Variants in STARD13 observed in about 807,000 individuals in gnomAD.
The protein encoded by STARD13 is stAR-related lipid transfer protein 13.
STARD13 carries 62 observed loss-of-function variants against 106.4 expected under a neutral mutation model. That is an observed-to-expected ratio of 0.58 (90% confidence interval 0.48 to 0.72). STARD13 has a LOEUF of 0.72. Ranked by LOEUF, STARD13 falls within the 30% of genes least tolerant of loss-of-function variation. STARD13 has a pLI of 0.00. For missense variants in STARD13, 1,387 were observed against 1,424.0 expected (o/e 0.97, Z 0.42); for synonymous variants, 565 against 553.0 (o/e 1.02, Z -0.31).
At chr13:33,527,532 A>G in the STARD13 span, among the ~76,000 whole-genome samples, 2 of 152,112 alleles carry the variant, frequency 1.3e-5, no homozygotes, top group African/African-American at 4.8e-5. Flanking sequence ...TCATATAAAG[A>G]GAACTTAGGA....
chr13:33,328,022 T>A (rs1326575098), intron 1 of STARD13, among the ~76,000 whole-genome samples: 1 of 152,260 alleles, frequency 6.6e-6, no homozygotes, highest in Non-Finnish European at 1.5e-5. Flanking sequence ...TGTATATTTT[T>A]AAAGTCTGTC....
chr13:33,260,155 T>G (rs941169400), intron 1 of STARD13, among the ~76,000 whole-genome samples: 1 of 152,192 alleles, frequency 6.6e-6, no homozygotes, highest in Non-Finnish European at 1.5e-5. Flanking sequence ...CTAGGCCTGG[T>G]GGAGCCTGGG....
the STARD13 span, among the ~76,000 whole-genome samples, chr13:33,458,967 C>T: frequency 1.3e-5 from 2 of 151,818 alleles, no homozygotes; most frequent in Non-Finnish European, 2.9e-5. Flanking sequence ...ATTACAGGCA[C>T]ACACCACAAG....
At chr13:33,449,892 A>T in the STARD13 span, among the ~76,000 whole-genome samples, 1 of 152,128 alleles carries the variant, frequency 6.6e-6, no homozygotes, top group African/African-American at 2.4e-5. Context: ...GTTCTTCACT[A>T]TTGGCATATA....
chr13:33,257,373 C>G (rs1890418312), intron 1 of STARD13, among the ~76,000 whole-genome samples: 1 of 152,174 alleles, frequency 6.6e-6, no homozygotes, highest in African/African-American at 2.4e-5. Context: ...AAGGGGTCAG[C>G]AACTTTGCAA....
At chr13:33,166,956 T>A (rs1883380867) in intron 2 of STARD13, among the ~76,000 whole-genome samples, 1 of 146,420 alleles carries the variant, frequency 6.8e-6, no homozygotes, top group Non-Finnish European at 1.5e-5. Flanking sequence ...ATTGTACCAC[T>A]GCACTCCAGC....
the STARD13 span, among the ~76,000 whole-genome samples, chr13:33,618,163 A>G: frequency 6.6e-6 from 1 of 152,252 alleles, no homozygotes; most frequent in African/African-American, 2.4e-5. Flanking sequence ...CCATAAAAGT[A>G]TTAACTCTCC....
intron 1 of STARD13, among the ~76,000 whole-genome samples, chr13:33,283,030 A>G (rs1031058242): frequency 1.2e-4 from 19 of 152,308 alleles, no homozygotes; most frequent in Admixed American, 1.2e-3. Context: ...ACTCTGTCTC[A>G]AAAACAAAAA....
the STARD13 span, among the ~76,000 whole-genome samples, chr13:33,645,813 G>A: frequency 6.6e-6 from 1 of 152,108 alleles, no homozygotes; most frequent in South Asian, 2.1e-4. Context: ...AATGCCTGTG[G>A]GGGTCAACTT....
the STARD13 span, among the ~76,000 whole-genome samples, chr13:33,541,929 G>T: frequency 6.6e-6 from 1 of 152,076 alleles, no homozygotes; most frequent in East Asian, 1.9e-4. Flanking sequence ...ATTCAAAAGT[G>T]AAAAAATGAC....
chr13:33,248,574 C>G (rs1889945628), intron 1 of STARD13, among the ~76,000 whole-genome samples: 1 of 152,188 alleles, frequency 6.6e-6, no homozygotes, highest in South Asian at 2.1e-4. Context: ...GGTACAGTGA[C>G]TCCCACTCCA....
the STARD13 span, among the ~76,000 whole-genome samples, chr13:33,404,773 C>CTTTT: frequency 6.5e-5 from 8 of 122,244 alleles, no homozygotes; most frequent in Non-Finnish European, 8.7e-5. Context: ...ACCTCTGGGA[C>CTTTT]TTTTTTTTTT....
chr13:33,627,969 C>CTT, the STARD13 span, among the ~76,000 whole-genome samples: 10 of 143,386 alleles, frequency 7.0e-5, no homozygotes, highest in African/African-American at 1.5e-4. Flanking sequence ...TTTTTTCTTT[C>CTT]TTTTTTTTTT....
At chr13:33,448,397 A>C in the STARD13 span, among the ~76,000 whole-genome samples, 1 of 152,284 alleles carries the variant, frequency 6.6e-6, no homozygotes, top group Non-Finnish European at 1.5e-5. Context: ...CACTCAATAT[A>C]ATTTAACAGG....
chr13:33,364,078 G>C, the STARD13 span, among the ~76,000 whole-genome samples: 1 of 152,094 alleles, frequency 6.6e-6, no homozygotes, highest in Non-Finnish European at 1.5e-5. Context: ...TGGAATATTT[G>C]ATCAAGCTGA....
chr13:33,293,194 G>A (rs1892358205), intron 1 of STARD13, among the ~76,000 whole-genome samples: 1 of 152,146 alleles, frequency 6.6e-6, no homozygotes, highest in Non-Finnish European at 1.5e-5. Flanking sequence ...AATTACATAT[G>A]TATTCGCTCA....
intron 1 of STARD13, among the ~76,000 whole-genome samples, chr13:33,253,384 C>T (rs148697829): frequency 5.3e-5 from 8 of 152,298 alleles, no homozygotes; most frequent in South Asian, 2.1e-4. Context: ...CAATGGACAG[C>T]GTAAACATGC....
chr13:33,157,649 G>A (rs1402027973), intron 3 of STARD13, among the ~76,000 whole-genome samples: 1 of 152,164 alleles, frequency 6.6e-6, no homozygotes, highest in Non-Finnish European at 1.5e-5. Flanking sequence ...CAGCCTGGGT[G>A]ACAGAGTGAG....
chr13:33,213,566 G>A (rs576195294), intron 1 of STARD13, among the ~76,000 whole-genome samples: 2 of 152,332 alleles, frequency 1.3e-5, no homozygotes, highest in South Asian at 4.1e-4. Flanking sequence ...GGTAGAGAAA[G>A]TATGTGAAGT....
Sources: allele counts gnomAD v4.1 joint callset (sites outside exome capture counted in the v4.1 genomes callset), GRCh38; gene constraint gnomAD v4.1.1; transcripts MANE v1.5; gene names NCBI Gene and HGNC (gene_info 2026-07-23, HGNC 2026-07-21).